NKAIN1: variants seen among roughly 807,000 people sequenced by gnomAD.
NKAIN1 encodes sodium/potassium transporting ATPase interacting 1, also known as sodium/potassium-transporting ATPase subunit beta-1-interacting protein 1.
In NKAIN1, 13 loss-of-function variants were observed where a neutral mutation model predicts 31.6. The ratio of observed to expected loss-of-function variants is 0.41; its 90% CI spans 0.27 to 0.65. The LOEUF is 0.65. Among genes scored for constraint, NKAIN1 ranks in the 30% least tolerant of loss-of-function variants. NKAIN1 has a pLI of 0.30. For synonymous variants in NKAIN1, 104 were observed against 109.0 expected (o/e 0.95, Z 0.28); for missense variants, 193 against 262.2 (o/e 0.74, Z 1.82).
At chr1:31,181,745 G>A in intron 6 of NKAIN1, 33 bp from the exon 7 acceptor site, 1 of 1,524,828 alleles carries the variant, frequency 6.6e-7, no homozygotes, top group East Asian at 2.5e-5. Context: ...AGGGAGAGTG[G>A]ATCCCAAAAG....
chr1:31,223,669 C>T (rs7523937), intron 1 of NKAIN1, among the ~76,000 whole-genome samples: 14,746 of 152,140 alleles, frequency 0.097, 1,256 homozygotes, highest in African/African-American at 0.23. Flanking sequence ...TGGTCCCGAT[C>T]TCCTGACCTC....
At chr1:31,206,664 T>C (rs992977020) in intron 1 of NKAIN1, among the ~76,000 whole-genome samples, 10 of 152,136 alleles carry the variant, frequency 6.6e-5, no homozygotes, top group African/African-American at 2.2e-4. Flanking sequence ...CTCAAACTCT[T>C]GAGCTCCAGC....
Position 31,239,228 on chromosome 1 carries a change from A to G in NKAIN1, c.54+266T>C, listed in dbSNP as rs999866116. 6.6e-6 allele frequency among the ~76,000 whole-genome samples: 1 copy of G among 152,144 alleles called. No individual in the cohort carries two copies. The highest frequency in any genetic ancestry group is 2.4e-5 in the African/African-American group (1 of 41,452). On this transcript the variant is annotated intron_variant, in intron 1 of 6. Transcript: ENST00000373736. This position sits in a 1 kb window ranked among gnomAD's most constrained non-coding sequence, Gnocchi z 4.8. Reference sequence around the variant, plus strand: ...TCCCCCAACAGGAGGCCACTTGTACAGTGCGGGCGGGCCGGGGACTCGCGC... The same window carrying G: ...TCCCCCAACAGGAGGCCACTTGTACGGTGCGGGCGGGCCGGGGACTCGCGC...
At chr1:31,216,916 A>AGT (rs544004303) in intron 1 of NKAIN1, among the ~76,000 whole-genome samples, 31 of 152,068 alleles carry the variant, frequency 2.0e-4, no homozygotes, top group African/African-American at 7.2e-4. Context: ...CCGAGGCTGG[A>AGT]GTGCAATGGT....
chr1:31,203,190 G>T (rs577006983), intron 1 of NKAIN1, among the ~76,000 whole-genome samples: 2 of 151,396 alleles, frequency 1.3e-5, no homozygotes, highest in African/African-American at 4.9e-5. Flanking sequence ...ACTTGCACCC[G>T]GGAGGCAGAG....
intron 1 of NKAIN1, among the ~76,000 whole-genome samples, chr1:31,212,308 G>C (rs1645475711): frequency 1.3e-5 from 2 of 152,096 alleles, no homozygotes; most frequent in East Asian, 1.9e-4. Context: ...AACTGAAAAT[G>C]GGTCAAAAAC....
chr1:31,181,693 G>C lies in NKAIN1; in HGVS notation c.*10C>G. 5.5e-6 allele frequency: 8 copies of C among 1,460,866 alleles called. No homozygotes were observed. Among genetic ancestry groups the C allele is most frequent in the South Asian group, 4.3e-5 (3 of 69,908 alleles). 90.5% of individuals were successfully genotyped at this position (1,460,866 alleles called of 1,614,324 possible). A position where few individuals can be genotyped will look rare whatever the true frequency, so the allele number is the denominator to read the frequency against. Reference sequence around the variant, plus strand: ...CAGGGCGAGGCGCCGGGGTGGGCGCGGGGCAGAGGCTACCCCGACCTGCGG... The same window carrying C: ...CAGGGCGAGGCGCCGGGGTGGGCGCCGGGCAGAGGCTACCCCGACCTGCGG... On this transcript the variant is annotated 3_prime_UTR_variant, in exon 7 of 7. Transcript: ENST00000373736.
chr1:31,201,451 C>T (rs1010519818), intron 1 of NKAIN1, among the ~76,000 whole-genome samples: 7 of 151,442 alleles, frequency 4.6e-5, no homozygotes, highest in South Asian at 2.1e-4. Context: ...CTCTGCTTTC[C>T]GGGTTCACGC....
intron 1 of NKAIN1, among the ~76,000 whole-genome samples, chr1:31,214,458 T>TAA: frequency 7.5e-6 from 1 of 132,932 alleles, no homozygotes; most frequent in East Asian, 2.1e-4. Context: ...TCAATAAAGT[T>TAA]AAAAAAAAAA....
rs1375203892 is a variant in NKAIN1 at position 31,233,401 on chromosome 1, C to T, written c.54+6093G>A. On this transcript the variant is annotated intron_variant, in intron 1 of 6. Coordinates refer to ENST00000373736, the MANE Select transcript of NKAIN1 (RefSeq NM_024522.3). The surrounding 1 kb of genome is among the most constrained non-coding windows in gnomAD (Gnocchi z 4.0). ...ATTTCTCCACCTGCTTCCACTCCAG[C>T]GTCCCACAATACTAGCAGGGGGCAA... is the stretch of plus-strand genomic sequence containing the variant. 8.5e-5 allele frequency among the ~76,000 whole-genome samples: 13 copies of T among 152,204 alleles called. No homozygotes were observed. The highest frequency in any genetic ancestry group is 8.5e-4 in the Admixed American group (13 of 15,288).
chr1:31,236,877 G>A (rs147825690), intron 1 of NKAIN1, among the ~76,000 whole-genome samples: 6 of 152,214 alleles, frequency 3.9e-5, no homozygotes, highest in Non-Finnish European at 7.4e-5. Flanking sequence ...TCCTTCCATG[G>A]GGCCCCAGAC....
intron 1 of NKAIN1, among the ~76,000 whole-genome samples, chr1:31,191,033 G>T (rs973374664): frequency 8.5e-5 from 13 of 152,338 alleles, no homozygotes; most frequent in African/African-American, 3.1e-4. Flanking sequence ...GCTCACGCCT[G>T]TAATCCCAGC....
chr1:31,217,023 G>A (rs960937916), intron 1 of NKAIN1, among the ~76,000 whole-genome samples: 5 of 152,154 alleles, frequency 3.3e-5, no homozygotes, highest in Non-Finnish European at 7.4e-5. Flanking sequence ...GTGCCACCAC[G>A]CCCAGGTAAT....
intron 1 of NKAIN1, among the ~76,000 whole-genome samples, chr1:31,203,262 C>T (rs1426901768): frequency 2.0e-5 from 3 of 149,474 alleles, no homozygotes. Flanking sequence ...GAGATTCCAT[C>T]TCAAAAAAAT....
intron 1 of NKAIN1, among the ~76,000 whole-genome samples, chr1:31,227,115 G>A (rs1004755567): frequency 6.6e-6 from 1 of 152,186 alleles, no homozygotes; most frequent in Non-Finnish European, 1.5e-5. Flanking sequence ...GTGAACCACT[G>A]TGCCCAGCCA....
intron 1 of NKAIN1, among the ~76,000 whole-genome samples, chr1:31,214,266 A>C (rs1029860851): frequency 2.6e-5 from 4 of 152,038 alleles, no homozygotes. Flanking sequence ...AGTGGTTGCC[A>C]GAAGCTGGTG....
At chr1:31,212,519 C>A (rs1461159698) in intron 1 of NKAIN1, among the ~76,000 whole-genome samples, 1 of 152,056 alleles carries the variant, frequency 6.6e-6, no homozygotes, top group Non-Finnish European at 1.5e-5. Context: ...ATCCTCCCAC[C>A]TCAGACTCTA....
chr1:31,234,645 C>T (rs1286244507), intron 1 of NKAIN1, among the ~76,000 whole-genome samples: 1 of 151,954 alleles, frequency 6.6e-6, no homozygotes, highest in Non-Finnish European at 1.5e-5. Flanking sequence ...TGTCCAAGGT[C>T]ACACAGAGCT....
chr1:31,229,208 C>T (rs536200529), intron 1 of NKAIN1, among the ~76,000 whole-genome samples: 8 of 152,260 alleles, frequency 5.3e-5, no homozygotes, highest in Non-Finnish European at 8.8e-5. Context: ...GGATTCAACT[C>T]CAGGTAGAGT....
Sources: allele counts gnomAD v4.1 joint callset (sites outside exome capture counted in the v4.1 genomes callset), GRCh38; gene constraint gnomAD v4.1.1; non-coding constraint Gnocchi (gnomAD v3.1); transcripts MANE v1.5; gene names NCBI Gene and HGNC (gene_info 2026-07-23, HGNC 2026-07-21).